KRT6A: variants seen among roughly 807,000 people sequenced by gnomAD.
KRT6A encodes the protein keratin, type II cytoskeletal 6A.
Under a neutral mutation model 48.6 loss-of-function variants are expected in KRT6A, and 28 were observed. That is an observed-to-expected ratio of 0.58 (90% CI 0.43 to 0.79). The LOEUF (loss-of-function observed/expected upper bound fraction) is 0.79, where lower values mean the gene tolerates loss of function less well. KRT6A is among the 30% of genes least tolerant of loss of function. The probability of loss-of-function intolerance (pLI) is 0.00; values close to 1 mark genes in which losing one functional copy is unlikely to be tolerated. For synonymous variants in KRT6A, 301 were observed against 294.2 expected (o/e 1.02, Z -0.24); for missense variants, 687 against 724.3 (o/e 0.95, Z 0.59).
chr12:52,491,301 G>C, intron 2 of KRT6A, 129 bp from the exon 3 acceptor site: 1 of 1,565,486 alleles, frequency 6.4e-7, no homozygotes, highest in Non-Finnish European at 8.8e-7. Flanking sequence ...GAGAGCCTAA[G>C]AGACGATTTT....
In KRT6A at chr12:52,487,354, G is replaced by A; in HGVS notation, c.*366C>T. On this transcript the variant is annotated 3_prime_UTR_variant, in exon 9 of 9. Coordinates refer to ENST00000330722, the MANE Select transcript of KRT6A (RefSeq NM_005554.4). The stretch of plus-strand genomic sequence containing the variant: ...GTTTGAGAGCCAGTGGAAAGTAAGT[G>A]GAAGTTGTTCTGAAATAAGCCCCTG... 3.1e-6 allele frequency: 1 copy of A among 322,314 alleles called. No individual in the cohort carries two copies. The highest frequency in any genetic ancestry group is 5.9e-6 in the Non-Finnish European group (1 of 170,100). The allele number at this position is 322,314 out of a possible 1,614,324, so 20.0% of individuals were successfully genotyped here.
At chr12:52,491,779 A>C (rs376207848) in intron 1 of KRT6A, 43 bp from the exon 2 acceptor site, 155 of 1,612,874 alleles carry the variant, frequency 9.6e-5, no homozygotes, top group Non-Finnish European at 1.2e-4. Flanking sequence ...CAAGGGAAGG[A>C]AGAAAAAGTG....
At chr12:52,491,445 C>T in intron 2 of KRT6A, 77 bp downstream of exon 2, 2 of 1,550,176 alleles carry the variant, frequency 1.3e-6, no homozygotes, top group Middle Eastern at 1.7e-4. Context: ...AATATTACCC[C>T]CTTCTGGCCC....
At chr12:52,489,698 CA>C (rs1271921578) in intron 6 of KRT6A, among the ~76,000 whole-genome samples, 1 of 152,158 alleles carries the variant, frequency 6.6e-6, no homozygotes, top group Non-Finnish European at 1.5e-5. Flanking sequence ...AAATACTGGA[CA>C]CTCCTGCTCT....
At position 52,487,905 on chromosome 12, in the gene KRT6A, C is replaced by T. The variant is rs764320645; in HGVS notation, c.1510G>A (p.Gly504Ser). ...CCTCCACCCAGGCCTAAGCCACTGC[C>T]GACACCACTGGCACCGCCATAGCCA... ...SSGYGGASGV[G>S]SGLGLGGGSS... The change falls in exon 9 of 9, where the codon GGC becomes AGC. Residue 504 changes from glycine to serine, a missense_variant. Around this residue, in one of 3 missense-constraint regions of KRT6A, gnomAD observed 566 missense variants for 565.3 expected, o/e 1.00. Coordinates refer to ENST00000330722, the MANE Select transcript of KRT6A (RefSeq NM_005554.4). 1.9e-5 allele frequency: 30 copies of T among 1,613,930 alleles called. No homozygotes were observed. Among genetic ancestry groups the T allele is most frequent in the Middle Eastern group, 1.6e-4 (1 of 6,082 alleles).
intron 6 of KRT6A, among the ~76,000 whole-genome samples, chr12:52,489,693 C>T (rs188464): frequency 0.58 from 88,001 of 152,010 alleles, 25,717 homozygotes; most frequent in East Asian, 0.72. Context: ...AGCCAAAATA[C>T]TGGACACTCC....
chr12:52,492,894 C>T lies in KRT6A; in HGVS notation c.295G>A (p.Gly99Arg). Residue 99 changes from glycine (G) to arginine (R), a missense_variant, in exon 1 of 9, where the codon GGA becomes AGA. Around this residue, in one of 3 missense-constraint regions of KRT6A, gnomAD observed 49 missense variants for 97.3 expected, o/e 0.50. Coordinates refer to ENST00000330722, the MANE Select transcript of KRT6A (RefSeq NM_005554.4). ...GSYGFGGAGSGFGFGGGAGIG... is the reference protein window; with the variant it reads ...GSYGFGGAGSRFGFGGGAGIG... The stretch of plus-strand genomic sequence containing the variant: ...CCGGCTCCACCACCGAAACCAAATC[C>T]ACTCCCGGCGCCACCAAAGCCATAG... The T allele has an allele frequency of 6.8e-6, 11 of 1,607,360 alleles. No individual in the cohort carries two copies. Among genetic ancestry groups the T allele is most frequent in the Non-Finnish European group, 9.3e-6 (11 of 1,176,844 alleles).
chr12:52,488,614 G>A (rs1428073237), intron 6 of KRT6A, 66 bp from the exon 7 acceptor site: 2 of 1,476,938 alleles, frequency 1.4e-6, no homozygotes, highest in African/African-American at 4.9e-5. Context: ...AACCTGGCTG[G>A]TTATTTCCTA....
At position 52,492,755 on chromosome 12, in the gene KRT6A, A is replaced by G; in HGVS notation, c.434T>C (p.Leu145Pro). The change falls in exon 1 of 9, where the codon CTG becomes CCG. Residue 145 changes from leucine to proline, a missense_variant. This residue lies in a region of KRT6A where 566 missense variants were observed against 565.3 expected (regional missense o/e 1.00). Coordinates refer to ENST00000330722, the MANE Select transcript of KRT6A (RefSeq NM_005554.4). ...ATCGATTTGCAGGTTGAGGGGAGTC[A>G]GGAGACTCTGGTTGACGGTGACCTC... ...IQEVTVNQSL[L>P]TPLNLQIDPT... The G allele has an allele frequency of 1.9e-6, 3 of 1,613,866 alleles. No individual in the cohort carries two copies. The highest frequency in any genetic ancestry group is 2.2e-5 in the East Asian group (1 of 44,862).
rs1380509477 is a variant in KRT6A, at chr12:52,488,484, G to T, written c.1268C>A (p.Ala423Asp). The T allele has an allele frequency of 4.3e-6, 7 of 1,614,014 alleles. No individual in the cohort carries two copies. The highest frequency in any genetic ancestry group is 5.9e-6 in the Non-Finnish European group (7 of 1,180,034). The change falls in exon 7 of 9, where the codon GCC (alanine) becomes GAC (aspartate). Residue 423 changes from alanine (A) to aspartate (D), a missense_variant. Around this residue, in one of 3 missense-constraint regions of KRT6A, gnomAD observed 566 missense variants for 565.3 expected, o/e 1.00. Transcript: ENST00000330722. ...EQRGEMALKD[A>D]KNKLEGLEDA... Reference sequence around the variant, plus strand: ...CTCCAGCCCTTCCAGCTTGTTCTTGGCATCCTTGAGGGCCATCTCCCCACG... The same window carrying T: ...CTCCAGCCCTTCCAGCTTGTTCTTGTCATCCTTGAGGGCCATCTCCCCACG...
At chr12:52,487,976 G>C in intron 8 of KRT6A, 21 bp from the exon 9 acceptor site, 1 of 1,614,178 alleles carries the variant, frequency 6.2e-7, no homozygotes, top group South Asian at 1.1e-5. Context: ...GAGGGGACAA[G>C]GACACAAGAA....
chr12:52,492,780 C>G lies in KRT6A; in HGVS notation c.409G>C (p.Glu137Gln), dbSNP rs779426966. Residue 137 changes from glutamate (E) to glutamine (Q), a missense_variant, in exon 1 of 9, where the codon GAG (glutamate) becomes CAG (glutamine). Physicochemically the swap from Glu to Gln is conservative, Grantham distance 29. Transcript: ENST00000330722. Reference sequence around the variant, plus strand: ...AGGAGACTCTGGTTGACGGTGACCTCTTGGATGCCTCCAGGGGGGCACACA... The same window carrying G: ...AGGAGACTCTGGTTGACGGTGACCTGTTGGATGCCTCCAGGGGGGCACACA... Reference protein sequence around the residue: ...FPVCPPGGIQEVTVNQSLLTP... With the variant: ...FPVCPPGGIQQVTVNQSLLTP... The G allele has an allele frequency of 1.9e-6, 3 of 1,613,802 alleles. No homozygotes were observed. Among genetic ancestry groups the G allele is most frequent in the Non-Finnish European group, 2.5e-6 (3 of 1,179,914 alleles).
chr12:52,493,202 G>A lies in KRT6A; in HGVS notation c.-14C>T. On this transcript the variant is annotated 5_prime_UTR_variant, in exon 1 of 9. Transcript: ENST00000330722. ...TGTGCTGGCCATGGTTCCAGGAGAT[G>A]AGAGAGCTGAGGAGAGTGTGAGAGG... 24 of 1,614,060 alleles carry A rather than the reference G, an allele frequency of 1.5e-5. No individual in the cohort carries two copies. The highest frequency in any genetic ancestry group is 2.0e-5 in the Non-Finnish European group (24 of 1,179,936).
At chr12:52,489,675 T>A (rs1296134041) in intron 6 of KRT6A, among the ~76,000 whole-genome samples, 3 of 152,186 alleles carry the variant, frequency 2.0e-5, no homozygotes, top group Admixed American at 2.0e-4. Flanking sequence ...TCCACTGTGG[T>A]CCAGGGAAGC....
chr12:52,489,163 C>A (rs1207765427), intron 6 of KRT6A, among the ~76,000 whole-genome samples: 2 of 152,224 alleles, frequency 1.3e-5, no homozygotes, highest in African/African-American at 2.4e-5. Flanking sequence ...AAATCCAATT[C>A]CTCTAGACCA....
At position 52,492,587 on chromosome 12, in the gene KRT6A, G is replaced by T. The variant is rs17099719; in HGVS notation, c.540+62C>A. The T allele has an allele frequency of 3.7e-6, 6 of 1,613,406 alleles. No homozygotes were observed. In the African/African-American group the frequency reaches 8.0e-5, roughly 22 times the overall value. On this transcript the variant is annotated intron_variant, in intron 1 of 8. Transcript: ENST00000330722. ...CCCTCCTAGGTCTCCCTGGCAGGAA[G>T]GTGTTGCTCCTCTGGTCTGGGGACC...
intron 6 of KRT6A, 171 bp downstream of exon 6, chr12:52,489,772 T>C (rs1490745314): frequency 2.8e-6 from 3 of 1,079,736 alleles, no homozygotes; most frequent in Non-Finnish European, 4.1e-6. Flanking sequence ...TGTCATGCCA[T>C]AGGTAGGATC....
chr12:52,488,609 G>A, intron 6 of KRT6A, 61 bp from the exon 7 acceptor site: 1 of 1,511,498 alleles, frequency 6.6e-7, no homozygotes. Flanking sequence ...GACTAAACCT[G>A]GCTGGTTATT....
chr12:52,490,513 T>A, intron 5 of KRT6A, 56 bp downstream of exon 5: 1 of 1,614,032 alleles, frequency 6.2e-7, no homozygotes, highest in Non-Finnish European at 8.5e-7. Context: ...TCTGCAGTCC[T>A]CTGGTATTCA....
Sources: allele counts gnomAD v4.1 joint callset (sites outside exome capture counted in the v4.1 genomes callset), GRCh38; gene constraint gnomAD v4.1.1; regional missense constraint gnomAD v4.1.1; transcripts MANE v1.5; gene names NCBI Gene and HGNC (gene_info 2026-07-23, HGNC 2026-07-21).